Variants in RSU1 observed in about 807,000 individuals in gnomAD.
The protein encoded by RSU1 is Ras suppressor protein 1.
RSU1 carries 26 observed loss-of-function variants against 31.1 expected under a neutral mutation model. The ratio of observed to expected loss-of-function variants is 0.84; its 90% CI spans 0.61 to 1.16. The LOEUF is 1.16. Ranked by LOEUF, RSU1 falls within the 50% of genes most tolerant of loss-of-function variation. The pLI is 0.00. For missense variants in RSU1, 320 were observed against 339.1 expected, an observed-to-expected ratio of 0.94 and a Z score of 0.44; for synonymous variants, 164 against 136.3, an observed-to-expected ratio of 1.20 and a Z score of -1.41.
intron 8 of RSU1, among the ~76,000 whole-genome samples, chr10:16,643,365 G>A (rs924236562): frequency 6.6e-6 from 1 of 152,096 alleles, no homozygotes; most frequent in East Asian, 1.9e-4. Context: ...CATAAATAAT[G>A]CTCATACATT....
At chr10:16,806,718 T>C (rs1377927030) in intron 2 of RSU1, among the ~76,000 whole-genome samples, 3 of 152,174 alleles carry the variant, frequency 2.0e-5, no homozygotes, top group Non-Finnish European at 4.4e-5. Flanking sequence ...ATAGGCATCT[T>C]TGACACGCCC....
At chr10:16,773,254 C>T (rs946913911) in intron 3 of RSU1, among the ~76,000 whole-genome samples, 1 of 151,890 alleles carries the variant, frequency 6.6e-6, no homozygotes, top group Admixed American at 6.6e-5. Context: ...CATCAAGAGG[C>T]CACAAGTGGA....
intron 8 of RSU1, among the ~76,000 whole-genome samples, chr10:16,656,045 T>G (rs776857531): frequency 6.6e-6 from 1 of 152,206 alleles, no homozygotes; most frequent in African/African-American, 2.4e-5. Flanking sequence ...AACATTTCTA[T>G]GTTTTTAGCC....
chr10:16,684,270 T>C (rs568474368), intron 8 of RSU1, among the ~76,000 whole-genome samples: 1 of 152,318 alleles, frequency 6.6e-6, no homozygotes, highest in Non-Finnish European at 1.5e-5. Flanking sequence ...CACATAATGT[T>C]ATGCCAGAGT....
intron 7 of RSU1, among the ~76,000 whole-genome samples, chr10:16,726,012 C>T (rs1166549780): frequency 6.6e-6 from 1 of 151,118 alleles, no homozygotes; most frequent in Non-Finnish European, 1.5e-5. Flanking sequence ...AATGTAGATA[C>T]ATATGCACGT....
chr10:16,647,360 A>C (rs1222599966), intron 8 of RSU1, among the ~76,000 whole-genome samples: 1 of 152,166 alleles, frequency 6.6e-6, no homozygotes, highest in African/African-American at 2.4e-5. Flanking sequence ...CAAACGGTTA[A>C]ACATAGTTAC....
chr10:16,728,169 A>G (rs542400402), intron 7 of RSU1, among the ~76,000 whole-genome samples: 2 of 152,314 alleles, frequency 1.3e-5, no homozygotes, highest in South Asian at 4.1e-4. Flanking sequence ...ACTTGGGTAT[A>G]AAATAATGAG....
At chr10:16,711,100 T>G (rs896777258) in intron 7 of RSU1, among the ~76,000 whole-genome samples, 3 of 152,202 alleles carry the variant, frequency 2.0e-5, no homozygotes, top group Non-Finnish European at 4.4e-5. Flanking sequence ...TAGTTATTAG[T>G]CTGTTCAGAT....
intron 7 of RSU1, among the ~76,000 whole-genome samples, chr10:16,718,612 C>A (rs911735986): frequency 6.6e-6 from 1 of 151,036 alleles, no homozygotes; most frequent in Admixed American, 6.6e-5. Flanking sequence ...CAAAAGTAGG[C>A]CTTCTCAGAA....
intron 7 of RSU1, among the ~76,000 whole-genome samples, chr10:16,735,077 C>T (rs1646771227): frequency 6.6e-6 from 1 of 152,184 alleles, no homozygotes; most frequent in Admixed American, 6.5e-5. Flanking sequence ...TCCACGAACA[C>T]AAGAAAATTT....
At chr10:16,738,531 CAGA>C (rs751747323) in intron 7 of RSU1, among the ~76,000 whole-genome samples, 19 of 152,044 alleles carry the variant, frequency 1.2e-4, no homozygotes, top group Non-Finnish European at 2.2e-4. Context: ...CAGCTGTACT[CAGA>C]AGAAGAAAAG....
Position 16,736,528 on chromosome 10 carries a change from C to T in RSU1, c.598+16011G>A, listed in dbSNP as rs575362318. On this transcript the variant is annotated intron_variant, in intron 7 of 8. Coordinates refer to ENST00000345264, the MANE Select transcript of RSU1 (RefSeq NM_012425.4). ...AAGAATCAAGCTAACCAAAAATTAA[C>T]GACCTGCTAGAATGAAACCCAACAG... is the stretch of plus-strand genomic sequence containing the variant. 8.5e-5 allele frequency among the ~76,000 whole-genome samples: 13 copies of T among 152,164 alleles called. 1 individual carries two copies. The highest frequency in any genetic ancestry group is 2.4e-4 in the African/African-American group (10 of 41,510).
intron 3 of RSU1, among the ~76,000 whole-genome samples, chr10:16,775,570 G>A (rs1018116628): frequency 2.0e-5 from 3 of 152,136 alleles, no homozygotes; most frequent in Admixed American, 6.5e-5. Flanking sequence ...AGATGCCACC[G>A]GCAGGACACG....
At chr10:16,817,238 A>ATGGGGTAGGGCAG in intron 1 of RSU1, 77 bp downstream of exon 1, 2 of 388,438 alleles carry the variant, frequency 5.1e-6, no homozygotes, top group Non-Finnish European at 4.2e-6. Context: ...CGGGGAGGGG[A>ATGGGGTAGGGCAG]TGGAGTGGGA....
intron 7 of RSU1, among the ~76,000 whole-genome samples, chr10:16,729,063 A>G (rs947119985): frequency 6.6e-6 from 1 of 152,256 alleles, no homozygotes; most frequent in African/African-American, 2.4e-5. Context: ...ATGCAAACAT[A>G]TGCCGCGTAT....
intron 7 of RSU1, among the ~76,000 whole-genome samples, chr10:16,738,944 G>A (rs973936503): frequency 6.9e-6 from 1 of 143,982 alleles, no homozygotes; most frequent in Non-Finnish European, 1.5e-5. Context: ...TCCCACTTAT[G>A]AACGAGAACA....
chr10:16,806,605 T>C (rs1220456324), intron 2 of RSU1, among the ~76,000 whole-genome samples: 1 of 152,208 alleles, frequency 6.6e-6, no homozygotes, highest in Non-Finnish European at 1.5e-5. Context: ...ATTAATACAC[T>C]CCATGCATAG....
intron 5 of RSU1, 46 bp from the exon 6 acceptor site, chr10:16,753,046 A>G: frequency 6.8e-7 from 1 of 1,476,328 alleles, no homozygotes; most frequent in Non-Finnish European, 9.5e-7. Flanking sequence ...ATGGAACACA[A>G]CCATTTGAGG....
rs537858385 is a variant in RSU1, at chr10:16,807,979, C to T, written c.109+8994G>A. ...CAGAGCTTGCAGCGAGCCGAGATCA[C>T]GCCACTGCACTCCAGCCTGGGTGAC... On this transcript the variant is annotated intron_variant, in intron 2 of 8. Transcript: ENST00000345264. Among the ~76,000 whole-genome samples, 1,104 of 148,914 alleles carry T rather than the reference C, an allele frequency of 7.4e-3. 23 individuals carry two copies. Among genetic ancestry groups the T allele is most frequent in the Middle Eastern group, 0.018 (5 of 284 alleles).
Sources: gnomAD v4.1 joint callset for allele counts (sites outside exome capture counted in the v4.1 genomes callset) on GRCh38, gnomAD v4.1.1 for gene constraint, MANE v1.5 for transcripts, NCBI Gene and HGNC (gene_info 2026-07-23, HGNC 2026-07-21) for gene names.